Variants in ADAM2 observed in about 807,000 individuals in gnomAD.
The protein encoded by ADAM2 is disintegrin and metalloproteinase domain-containing protein 2.
Under a neutral mutation model 99.3 loss-of-function variants are expected in ADAM2, and 101 were observed. That is an observed-to-expected ratio of 1.02 (90% CI 0.87 to 1.20). ADAM2 has a LOEUF of 1.20. Among genes scored for constraint, ADAM2 ranks in the 50% most tolerant of loss-of-function variants. ADAM2 has a pLI of 0.00. For synonymous variants in ADAM2, 323 were observed against 287.6 expected (o/e 1.12, Z -1.25); for missense variants, 948 against 878.7 (o/e 1.08, Z -1.00).
In ADAM2 at chr8:39,824,844, A is replaced by T. The variant is rs762010599; in HGVS notation, c.242T>A (p.Met81Lys). ...CTGAAAATCTTGGTCAAGTGGTTTCATAATTCCTGTGCCACTATAACTGTA... is the reference window on the plus strand; with the variant it reads ...CTGAAAATCTTGGTCAAGTGGTTTCTTAATTCCTGTGCCACTATAACTGTA... ...RVYSYSGTGIMKPLDQDFQNF... is the reference protein window; with the variant it reads ...RVYSYSGTGIKKPLDQDFQNF... Residue 81 changes from methionine (M) to lysine (K), a missense_variant, in exon 4 of 21, where the codon ATG becomes AAG. Physicochemically the swap from Met to Lys is moderately conservative, Grantham distance 95 (BLOSUM62 -1). Transcript: ENST00000265708. 6.3e-7 allele frequency: 1 copy of T among 1,580,508 alleles called. No homozygotes were observed. Among genetic ancestry groups the T allele is most frequent in the Admixed American group, 1.7e-5 (1 of 57,588 alleles).
At chr8:39,786,282 C>T (rs1171392855) in intron 10 of ADAM2, among the ~76,000 whole-genome samples, 1 of 152,080 alleles carries the variant, frequency 6.6e-6, no homozygotes, top group South Asian at 2.1e-4. Context: ...TATATGTATG[C>T]CCTAAATCTA....
intron 12 of ADAM2, among the ~76,000 whole-genome samples, chr8:39,768,843 T>G (rs1382421038): frequency 6.6e-6 from 1 of 152,134 alleles, no homozygotes; most frequent in Non-Finnish European, 1.5e-5. Context: ...GAGATGATGG[T>G]CAAGGGGTAT....
chr8:39,756,259 C>T (rs563653439), intron 15 of ADAM2, among the ~76,000 whole-genome samples: 31 of 152,158 alleles, frequency 2.0e-4, no homozygotes, highest in Admixed American at 4.6e-4. Context: ...AAAATCAAAC[C>T]CAAGCTCAAA....
chr8:39,818,283 T>G (rs1263705548), intron 6 of ADAM2, among the ~76,000 whole-genome samples: 1 of 152,080 alleles, frequency 6.6e-6, no homozygotes, highest in Non-Finnish European at 1.5e-5. Context: ...AGTCAATTAA[T>G]GCAATACACC....
At chr8:39,784,488 C>T (rs936243521) in intron 10 of ADAM2, among the ~76,000 whole-genome samples, 10 of 152,148 alleles carry the variant, frequency 6.6e-5, no homozygotes, top group African/African-American at 2.4e-4. Flanking sequence ...TCAAGTGATC[C>T]TCCTACCTCA....
At position 39,743,979 on chromosome 8, in the gene ADAM2, G is replaced by T. The variant is rs1301423242; in HGVS notation, c.*116C>A. ...GTCAAATTAAAATCACAATATGCAG[G>T]TTTGAATCCCAGGAAACCAGGTAAT... is the stretch of plus-strand genomic sequence containing the variant. On this transcript the variant is annotated 3_prime_UTR_variant, in exon 21 of 21. Transcript: ENST00000265708. The T allele has an allele frequency of 6.6e-6, 1 of 151,800 alleles. No homozygotes were observed. Among genetic ancestry groups the T allele is most frequent in the Non-Finnish European group, 1.5e-5 (1 of 67,912 alleles). 9.4% of individuals were successfully genotyped at this position (151,800 alleles called of 1,614,324 possible). A position where few individuals can be genotyped will look rare whatever the true frequency, so the allele number is the denominator to read the frequency against.
chr8:39,783,077 CTTA>C (rs1381716239), intron 10 of ADAM2, among the ~76,000 whole-genome samples: 1 of 152,080 alleles, frequency 6.6e-6, no homozygotes, highest in Non-Finnish European at 1.5e-5. Context: ...TTTAATGTCA[CTTA>C]GCTCAAAATG....
At chr8:39,754,125 C>G (rs1260369197) in intron 16 of ADAM2, among the ~76,000 whole-genome samples, 1 of 152,208 alleles carries the variant, frequency 6.6e-6, no homozygotes, top group Non-Finnish European at 1.5e-5. Context: ...CATCCTCGTC[C>G]TAGTGTTCTT....
chr8:39,746,239 C>T (rs1335919408), intron 19 of ADAM2, among the ~76,000 whole-genome samples: 2 of 151,958 alleles, frequency 1.3e-5, no homozygotes, highest in Non-Finnish European at 2.9e-5. Context: ...GTTGCCCAGG[C>T]TTGTCTTGAA....
chr8:39,749,230 G>T (rs2129582747), intron 18 of ADAM2, 82 bp downstream of exon 18: 2 of 1,281,296 alleles, frequency 1.6e-6, no homozygotes, highest in Non-Finnish European at 2.2e-6. Flanking sequence ...ATATAAATTG[G>T]TAGACAAAAT....
intron 19 of ADAM2, 34 bp downstream of exon 19, chr8:39,746,438 C>T (rs7013399): frequency 1.4e-6 from 2 of 1,390,794 alleles, no homozygotes; most frequent in Non-Finnish European, 9.7e-7. Flanking sequence ...ATAAATTATA[C>T]AAATAACAAA....
intron 7 of ADAM2, among the ~76,000 whole-genome samples, chr8:39,805,923 C>T (rs567161639): frequency 9.2e-5 from 14 of 152,058 alleles, no homozygotes; most frequent in African/African-American, 1.7e-4. Context: ...AAAATGGTCT[C>T]GAAAGCACCC....
At chr8:39,744,801 T>A in intron 20 of ADAM2, 29 bp downstream of exon 20, 1 of 1,460,446 alleles carries the variant, frequency 6.8e-7, no homozygotes, top group Non-Finnish European at 9.4e-7. Context: ...TAAAGTAAAA[T>A]AAATTTTAAA....
At chr8:39,762,762 C>T (rs1370701470) in intron 14 of ADAM2, among the ~76,000 whole-genome samples, 1 of 152,110 alleles carries the variant, frequency 6.6e-6, no homozygotes, top group Admixed American at 6.5e-5. Context: ...TTGTCTTGCC[C>T]TACAGATTTC....
At chr8:39,767,399 T>G (rs577811787) in intron 12 of ADAM2, 148 bp from the exon 13 acceptor site, 1 of 701,506 alleles carries the variant, frequency 1.4e-6, no homozygotes, top group Non-Finnish European at 2.4e-6. Flanking sequence ...ACTTATTCAT[T>G]TACTTAACAG....
At position 39,767,179 on chromosome 8, in the gene ADAM2, C is replaced by T; in HGVS notation, c.1285G>A (p.Glu429Lys). 1 of 1,608,408 alleles carries T rather than the reference C, an allele frequency of 6.2e-7. No homozygotes were observed. Among genetic ancestry groups the T allele is most frequent in the Non-Finnish European group, 8.5e-7 (1 of 1,178,866 alleles). Reference sequence around the variant, plus strand: ...AGACAGTTTTCGCAGCATGGTCCTTCAGCACAGTTTGAACCGGCTTTAAAT... The same window carrying T: ...AGACAGTTTTCGCAGCATGGTCCTTTAGCACAGTTTGAACCGGCTTTAAAT... ...CRFKAGSNCA[E>K]GPCCENCLFM... The change falls in exon 13 of 21, where the codon GAA becomes AAA. Residue 429 changes from glutamate (E) to lysine (K), a missense_variant. Physicochemically the swap from Glu to Lys is moderately conservative, Grantham distance 56. Coordinates refer to ENST00000265708, the MANE Select transcript of ADAM2 (RefSeq NM_001464.5).
intron 6 of ADAM2, among the ~76,000 whole-genome samples, chr8:39,815,389 CAAGT>C (rs1224874441): frequency 6.6e-6 from 1 of 151,860 alleles, no homozygotes; most frequent in African/African-American, 2.4e-5. Context: ...GGATGGAACT[CAAGT>C]GAGAGAAAAT....
At chr8:39,818,686 C>G (rs1439715833) in intron 6 of ADAM2, among the ~76,000 whole-genome samples, 1 of 151,870 alleles carries the variant, frequency 6.6e-6, no homozygotes, top group Non-Finnish European at 1.5e-5. Flanking sequence ...TCGTGGAGTT[C>G]AATAGAGAAC....
intron 12 of ADAM2, among the ~76,000 whole-genome samples, chr8:39,768,663 T>TAG (rs1802659166): frequency 6.6e-6 from 1 of 152,206 alleles, no homozygotes. Flanking sequence ...CAAAGGAATT[T>TAG]AGGTTAAATA....
Sources: allele counts gnomAD v4.1 joint callset (sites outside exome capture counted in the v4.1 genomes callset), GRCh38; gene constraint gnomAD v4.1.1; transcripts MANE v1.5; gene names NCBI Gene and HGNC (gene_info 2026-07-23, HGNC 2026-07-21).